The following PRKCE variants were observed in gnomAD, a reference collection of about 807,000 sequenced individuals.
PRKCE encodes the protein protein kinase C epsilon, also known as protein kinase C epsilon type.
Under a neutral mutation model 85.4 loss-of-function variants are expected in PRKCE, and 16 were observed. The ratio of observed to expected loss-of-function variants is 0.19; its 90% CI spans 0.13 to 0.28. The LOEUF is 0.28. Ranked by LOEUF, PRKCE falls within the 10% of genes least tolerant of loss-of-function variation. The pLI, the probability that PRKCE is intolerant of heterozygous loss-of-function variation, is 1.00. For missense variants in PRKCE, 573 were observed against 975.2 expected, an observed-to-expected ratio of 0.59 and a Z score of 5.49; for synonymous variants, 388 against 371.5, an observed-to-expected ratio of 1.04 and a Z score of -0.51.
chr2:46,020,785 T>A (rs1292557823), intron 10 of PRKCE, among the ~76,000 whole-genome samples: 2 of 152,166 alleles, frequency 1.3e-5, no homozygotes, highest in African/African-American at 4.8e-5. Flanking sequence ...AGGAGAGATA[T>A]GACAAGGCAC....
intron 10 of PRKCE, among the ~76,000 whole-genome samples, chr2:46,059,574 A>G (rs1468076361): frequency 6.6e-6 from 1 of 152,224 alleles, no homozygotes; most frequent in Non-Finnish European, 1.5e-5. Flanking sequence ...TGCAGAGATT[A>G]GTTATTTTTC....
chr2:46,161,823 T>A (rs870141), intron 14 of PRKCE, among the ~76,000 whole-genome samples: 4 of 152,116 alleles, frequency 2.6e-5, no homozygotes, highest in African/African-American at 9.7e-5. Context: ...AGCCCTTCCC[T>A]TCACAGGAAT....
At chr2:45,972,854 G>C (rs1210581744) in intron 2 of PRKCE, among the ~76,000 whole-genome samples, 5 of 152,212 alleles carry the variant, frequency 3.3e-5, no homozygotes, top group African/African-American at 1.2e-4. Context: ...ACTTTAATAT[G>C]GTTCCTATCA....
At chr2:45,949,956 C>A (rs1313778449) in intron 2 of PRKCE, among the ~76,000 whole-genome samples, 1 of 151,418 alleles carries the variant, frequency 6.6e-6, no homozygotes, top group Admixed American at 6.6e-5. Flanking sequence ...GCTTTTTTGG[C>A]CATTTTTCTT....
At chr2:45,681,136 A>G (rs1370593150) in intron 1 of PRKCE, among the ~76,000 whole-genome samples, 1 of 151,854 alleles carries the variant, frequency 6.6e-6, no homozygotes, top group African/African-American at 2.4e-5. Context: ...TAAAAATACA[A>G]AAATTAGCTG....
chr2:45,951,558 T>A (rs983057171), intron 2 of PRKCE, among the ~76,000 whole-genome samples: 1 of 152,214 alleles, frequency 6.6e-6, no homozygotes, highest in Non-Finnish European at 1.5e-5. Flanking sequence ...ACAAGATACG[T>A]GCTCTGCTTC....
intron 11 of PRKCE, among the ~76,000 whole-genome samples, chr2:46,098,827 C>T (rs1004165054): frequency 6.6e-6 from 1 of 151,782 alleles, no homozygotes; most frequent in Non-Finnish European, 1.5e-5. Context: ...CAAGTGGCAG[C>T]TTTGCCGTGG....
intron 1 of PRKCE, among the ~76,000 whole-genome samples, chr2:45,695,197 T>G (rs1678043919): frequency 6.6e-6 from 1 of 152,218 alleles, no homozygotes; most frequent in Admixed American, 6.5e-5. Context: ...TCTCCTTTTT[T>G]CTCTTCTTCT....
chr2:45,956,542 A>G (rs1304627909), intron 2 of PRKCE, among the ~76,000 whole-genome samples: 1 of 151,694 alleles, frequency 6.6e-6, no homozygotes, highest in Admixed American at 6.6e-5. Context: ...AAAATTAGCC[A>G]GGTGTGGTGG....
At chr2:45,936,633 C>T (rs150884169) in intron 2 of PRKCE, among the ~76,000 whole-genome samples, 44 of 152,322 alleles carry the variant, frequency 2.9e-4, no homozygotes, top group African/African-American at 9.1e-4. Flanking sequence ...CCACCAAGGC[C>T]GGAGGATGCC....
chr2:46,119,464 A>G (rs1479154842), intron 11 of PRKCE, among the ~76,000 whole-genome samples: 1 of 152,200 alleles, frequency 6.6e-6, no homozygotes, highest in Non-Finnish European at 1.5e-5. Context: ...TCCTGAGTAT[A>G]AAATACATAC....
chr2:46,105,833 G>T (rs1016511284), intron 11 of PRKCE, among the ~76,000 whole-genome samples: 1 of 152,156 alleles, frequency 6.6e-6, no homozygotes, highest in Non-Finnish European at 1.5e-5. Context: ...ATGCAGTACA[G>T]TTAATTTATG....
At chr2:45,925,341 G>A (rs1698533100) in intron 2 of PRKCE, among the ~76,000 whole-genome samples, 1 of 151,860 alleles carries the variant, frequency 6.6e-6, no homozygotes, top group African/African-American at 2.4e-5. Flanking sequence ...TTGTCACCCA[G>A]GATGGATTGC....
chr2:45,853,568 C>G (rs528847233), intron 2 of PRKCE, among the ~76,000 whole-genome samples: 11 of 152,086 alleles, frequency 7.2e-5, no homozygotes, highest in Admixed American at 7.2e-4. Context: ...GTAGGCAGGT[C>G]GCACCTGCTT....
chr2:46,032,700 C>G (rs1375532515), intron 10 of PRKCE, among the ~76,000 whole-genome samples: 2 of 152,150 alleles, frequency 1.3e-5, no homozygotes, highest in South Asian at 2.1e-4. Flanking sequence ...TTATGTAACT[C>G]TAGAAGGTCC....
intron 1 of PRKCE, among the ~76,000 whole-genome samples, chr2:45,794,247 T>C (rs1466894197): frequency 6.6e-6 from 1 of 152,148 alleles, no homozygotes; most frequent in African/African-American, 2.4e-5. Context: ...CGATTGCTCA[T>C]GTGGATCCTT....
chr2:46,031,908 C>T (rs1707549580), intron 10 of PRKCE, among the ~76,000 whole-genome samples: 1 of 152,090 alleles, frequency 6.6e-6, no homozygotes, highest in South Asian at 2.1e-4. Context: ...TTTTTTTAAC[C>T]TCTTCCCACC....
intron 6 of PRKCE, among the ~76,000 whole-genome samples, chr2:45,990,371 G>T (rs1232964478): frequency 6.6e-6 from 1 of 152,164 alleles, no homozygotes; most frequent in African/African-American, 2.4e-5. Context: ...GATGTTTTCT[G>T]TTCATTAGAA....
chr2:45,888,255 A>G (rs1007754101), intron 2 of PRKCE, among the ~76,000 whole-genome samples: 2 of 152,180 alleles, frequency 1.3e-5, no homozygotes, highest in African/African-American at 2.4e-5. Flanking sequence ...CAACAGCCCA[A>G]GGAGTTCTGG....
Sources: gnomAD v4.1 joint callset for allele counts (sites outside exome capture counted in the v4.1 genomes callset) on GRCh38, gnomAD v4.1.1 for gene constraint, MANE v1.5 for transcripts, NCBI Gene and HGNC (gene_info 2026-07-23, HGNC 2026-07-21) for gene names.